The following STPG2 variants were observed in gnomAD, a reference collection of about 807,000 sequenced individuals.
STPG2 encodes the protein sperm tail PG-rich repeat containing 2, also known as sperm-tail PG-rich repeat-containing protein 2.
STPG2 carries 56 observed loss-of-function variants against 54.2 expected under a neutral mutation model. That is an observed-to-expected ratio of 1.03 (90% CI 0.83 to 1.29). The LOEUF is 1.29. Among genes scored for constraint, STPG2 ranks in the 50% most tolerant of loss-of-function variants. STPG2 has a pLI of 0.00. For synonymous variants in STPG2, 200 were observed against 181.8 expected (o/e 1.10, Z -0.81); for missense variants, 596 against 544.9 (o/e 1.09, Z -0.93).
At chr4:97,840,586 AG>A (rs1728766560) in intron 9 of STPG2, among the ~76,000 whole-genome samples, 186 bp downstream of exon 9, 1 of 151,672 alleles carries the variant, frequency 6.6e-6, no homozygotes. Flanking sequence ...ACAACACAGC[AG>A]GTCCTCAAAT....
At chr4:97,727,664 T>G (rs940342220) in intron 9 of STPG2, among the ~76,000 whole-genome samples, 1 of 151,780 alleles carries the variant, frequency 6.6e-6, no homozygotes, top group African/African-American at 2.4e-5. Context: ...GATATGCTAA[T>G]TCACACATAA....
At chr4:97,798,684 A>T (rs1177743389) in intron 9 of STPG2, among the ~76,000 whole-genome samples, 1 of 125,426 alleles carries the variant, frequency 8.0e-6, no homozygotes, top group Non-Finnish European at 1.6e-5. Context: ...AGCATTCTGC[A>T]GATGTCTATT....
At chr4:97,997,132 T>C (rs775485198) in intron 5 of STPG2, among the ~76,000 whole-genome samples, 1 of 152,246 alleles carries the variant, frequency 6.6e-6, no homozygotes, top group African/African-American at 2.4e-5. Context: ...TGAAGACACA[T>C]GCATGCATAT....
rs545307346 is a variant in STPG2 at position 97,800,598 on chromosome 4, G to T, written c.1204+40175C>A. Among the ~76,000 whole-genome samples the T allele has an allele frequency of 4.3e-4, 65 of 152,214 alleles. 1 individual carries two copies. Among genetic ancestry groups the T allele is most frequent in the Non-Finnish European group, 2.1e-4 (14 of 68,038 alleles). On this transcript the variant is annotated intron_variant, in intron 9 of 10. Transcript: ENST00000295268. ...GAGGTGTCAGTCTGCCCCTAATGGG[G>T]GGTGCCTCCCAGTTAGGCTACTCAG...
At chr4:97,908,404 T>G (rs1030008052) in intron 8 of STPG2, among the ~76,000 whole-genome samples, 2 of 149,494 alleles carry the variant, frequency 1.3e-5, no homozygotes, top group Non-Finnish European at 3.0e-5. Context: ...GGAACACTTT[T>G]ACGCTGTTGG....
At chr4:97,978,790 AC>A (rs1320889238) in intron 6 of STPG2, among the ~76,000 whole-genome samples, 1 of 152,240 alleles carries the variant, frequency 6.6e-6, no homozygotes, top group African/African-American at 2.4e-5. Flanking sequence ...TATCCAGATA[AC>A]AAAAATCTCT....
chr4:97,789,933 T>C (rs1409097438), intron 9 of STPG2, among the ~76,000 whole-genome samples: 2 of 152,176 alleles, frequency 1.3e-5, no homozygotes, highest in Admixed American at 1.3e-4. Flanking sequence ...GCTAAAAATG[T>C]AAACATTTCA....
intron 10 of STPG2, among the ~76,000 whole-genome samples, chr4:97,684,474 G>T (rs186291285): frequency 6.6e-6 from 1 of 152,042 alleles, no homozygotes; most frequent in East Asian, 1.9e-4. Flanking sequence ...AAACATTTCA[G>T]TGGAGACAGG....
intron 10 of STPG2, among the ~76,000 whole-genome samples, chr4:97,660,909 A>G (rs1038815016): frequency 1.3e-5 from 2 of 152,198 alleles, no homozygotes; most frequent in African/African-American, 4.8e-5. Context: ...TTTATTAGCT[A>G]TATTCTAGCT....
At chr4:97,526,777 T>A (rs1189502698) in intron 4 of STPG2, among the ~76,000 whole-genome samples, 1 of 152,156 alleles carries the variant, frequency 6.6e-6, no homozygotes, top group Non-Finnish European at 1.5e-5. Context: ...TGGTATTGCC[T>A]AGGTTTTCTT....
intron 7 of STPG2, among the ~76,000 whole-genome samples, chr4:97,954,463 G>T (rs1402623968): frequency 6.6e-6 from 1 of 152,176 alleles, no homozygotes; most frequent in African/African-American, 2.4e-5. Context: ...AAAGCACATG[G>T]CCTATTTCTT....
At chr4:97,752,315 A>G (rs1054260808) in intron 9 of STPG2, among the ~76,000 whole-genome samples, 3 of 151,814 alleles carry the variant, frequency 2.0e-5, no homozygotes, top group Non-Finnish European at 4.4e-5. Flanking sequence ...ATTCTGTCAT[A>G]ATGAAGCATT....
At chr4:97,647,829 A>G (rs1231362515) in intron 10 of STPG2, among the ~76,000 whole-genome samples, 2 of 152,132 alleles carry the variant, frequency 1.3e-5, no homozygotes, top group East Asian at 1.9e-4. Context: ...GGGCCAGTCA[A>G]AGAGCTACAG....
At chr4:97,704,563 G>C (rs28408794) in intron 10 of STPG2, among the ~76,000 whole-genome samples, 68,150 of 152,086 alleles carry the variant, frequency 0.45, 16,787 homozygotes, top group South Asian at 0.62. Flanking sequence ...CAAGGTTGTA[G>C]TCCATGGAGA....
At chr4:97,897,919 T>C (rs11097588) in intron 8 of STPG2, among the ~76,000 whole-genome samples, 27,672 of 151,638 alleles carry the variant, frequency 0.18, 2,825 homozygotes, top group East Asian at 0.36. Context: ...ATTAGATCCC[T>C]CTTGTCAATT....
intron 5 of STPG2, among the ~76,000 whole-genome samples, chr4:98,074,199 T>C (rs1220972646): frequency 6.6e-6 from 1 of 152,242 alleles, no homozygotes; most frequent in Non-Finnish European, 1.5e-5. Flanking sequence ...CATTTCTGAA[T>C]GATATCTCTG....
At chr4:97,864,736 A>C (rs1729695880) in intron 8 of STPG2, among the ~76,000 whole-genome samples, 1 of 152,162 alleles carries the variant, frequency 6.6e-6, no homozygotes, top group Non-Finnish European at 1.5e-5. Context: ...ACTGGTACCA[A>C]AACATAGATA....
At chr4:97,917,568 A>G (rs1398572271) in intron 8 of STPG2, among the ~76,000 whole-genome samples, 1 of 152,248 alleles carries the variant, frequency 6.6e-6, no homozygotes, top group African/African-American at 2.4e-5. Flanking sequence ...TCAAAACATA[A>G]TGGTTAAAAC....
chr4:97,568,027 A>T (rs909985154), intron 10 of STPG2, among the ~76,000 whole-genome samples: 1 of 152,172 alleles, frequency 6.6e-6, no homozygotes, highest in Non-Finnish European at 1.5e-5. Context: ...GAAGCACAGC[A>T]GTGTTTTTCA....
Sources: gnomAD v4.1 joint callset for allele counts (sites outside exome capture counted in the v4.1 genomes callset) on GRCh38, gnomAD v4.1.1 for gene constraint, MANE v1.5 for transcripts, NCBI Gene and HGNC (gene_info 2026-07-23, HGNC 2026-07-21) for gene names.